The following WDR27 variants were observed in gnomAD, a reference collection of about 807,000 sequenced individuals.
WDR27 encodes WD repeat-containing protein 27.
WDR27 carries 100 observed loss-of-function variants against 114.4 expected under a neutral mutation model. The observed-to-expected ratio is 0.87, with a 90% CI of 0.74 to 1.03. The LOEUF (loss-of-function observed/expected upper bound fraction) is 1.03. WDR27 is among the 50% of genes least tolerant of loss of function. The pLI is 0.00. For missense variants in WDR27, 1,129 were observed against 1,092.9 expected (o/e 1.03, Z -0.47); for synonymous variants, 449 against 423.1 (o/e 1.06, Z -0.75).
At chr6:169,437,308 G>A in the WDR27 span, among the ~76,000 whole-genome samples, 3 of 152,104 alleles carry the variant, frequency 2.0e-5, no homozygotes, top group African/African-American at 7.2e-5. Context: ...ACTGATTAAG[G>A]ACCAAAGTCT....
At chr6:169,482,675 C>T (rs1307839207) in intron 25 of WDR27, among the ~76,000 whole-genome samples, 4 of 152,132 alleles carry the variant, frequency 2.6e-5, no homozygotes, top group African/African-American at 9.7e-5. Context: ...CAACACTAGA[C>T]CAAACGGACC....
chr6:169,462,474 A>G (rs905397130), intron 25 of WDR27, among the ~76,000 whole-genome samples: 12 of 149,998 alleles, frequency 8.0e-5, no homozygotes, highest in African/African-American at 3.0e-4. Flanking sequence ...GAGGGAGGAG[A>G]GGGGGGAGAG....
chr6:169,445,042 G>A, the WDR27 span, among the ~76,000 whole-genome samples: 287 of 152,266 alleles, frequency 1.9e-3, 2 homozygotes, highest in African/African-American at 6.6e-3. Context: ...GATGGGATTC[G>A]TGTGTCCAGT....
chr6:169,625,832 G>A (rs553755792), intron 21 of WDR27, among the ~76,000 whole-genome samples: 4 of 152,250 alleles, frequency 2.6e-5, no homozygotes, highest in South Asian at 2.1e-4. Context: ...ACCAGAGCCC[G>A]CCTCTTCTCA....
At chr6:169,546,035 G>A (rs1415624983) in intron 25 of WDR27, among the ~76,000 whole-genome samples, 2 of 151,940 alleles carry the variant, frequency 1.3e-5, no homozygotes, top group East Asian at 1.9e-4. Flanking sequence ...CAGCCTCGCC[G>A]GCCATTAAGG....
chr6:169,462,254 G>A (rs770898876), intron 25 of WDR27, among the ~76,000 whole-genome samples: 1 of 152,032 alleles, frequency 6.6e-6, no homozygotes, highest in African/African-American at 2.4e-5. Flanking sequence ...AGACCAACCT[G>A]GCCAACATGG....
In WDR27 at chr6:169,457,466, G is replaced by T; in HGVS notation, c.*126C>A. On this transcript the variant is annotated 3_prime_UTR_variant, in exon 26 of 26. Coordinates refer to ENST00000448612, the MANE Select transcript of WDR27 (RefSeq NM_182552.5). Reference sequence around the variant, plus strand: ...AGCTTGCAAACGGGGGAAATCTGAGGCAAGTCTCAAAATATGAAAAACAGT... The same window carrying T: ...AGCTTGCAAACGGGGGAAATCTGAGTCAAGTCTCAAAATATGAAAAACAGT... 1 of 758,784 alleles carries T rather than the reference G, an allele frequency of 1.3e-6. No homozygotes were observed. The highest frequency in any genetic ancestry group is 2.1e-6 in the Non-Finnish European group (1 of 484,252). 47.0% of individuals were successfully genotyped at this position (758,784 alleles called of 1,614,324 possible).
intron 13 of WDR27, among the ~76,000 whole-genome samples, chr6:169,653,682 C>G (rs903271074): frequency 1.3e-5 from 2 of 152,028 alleles, no homozygotes; most frequent in South Asian, 2.1e-4. Flanking sequence ...CACAGAGAAA[C>G]GCCACAAAAG....
At chr6:169,650,469 A>C in intron 14 of WDR27, among the ~76,000 whole-genome samples, 1 of 99,854 alleles carries the variant, frequency 1.0e-5, no homozygotes, top group South Asian at 3.7e-4. Flanking sequence ...TCATCTATCC[A>C]CCCACTCATC....
chr6:169,492,944 TA>T (rs1186674138), intron 25 of WDR27, among the ~76,000 whole-genome samples: 1 of 151,858 alleles, frequency 6.6e-6, no homozygotes, highest in South Asian at 2.1e-4. Flanking sequence ...ATATTAAAGG[TA>T]AAAATTAAGT....
rs1454675519 is a variant in WDR27 at position 169,672,332 on chromosome 6, G to T, written c.254C>A (p.Pro85Gln). ...CAGTGATGCTGAGCAGATTAGAAGT[G>T]GGTTCACTTTATTTCCAAAAGCCAT... ...TAMAFGNKVN[P>Q]LLICSASLDY... The change falls in exon 3 of 26, where the codon CCA (proline) becomes CAA (glutamine). Residue 85 changes from proline (P) to glutamine (Q), a missense_variant. Coordinates refer to ENST00000448612, the MANE Select transcript of WDR27 (RefSeq NM_182552.5). The T allele has an allele frequency of 6.2e-7, 1 of 1,613,230 alleles. No homozygotes were observed. Among genetic ancestry groups the T allele is most frequent in the South Asian group, 1.1e-5 (1 of 90,922 alleles).
rs1415177128 is a variant in WDR27 at position 169,638,575 on chromosome 6, C to T, written c.1833G>A (p.Met611Ile). The change falls in exon 18 of 26, where the codon ATG (methionine) becomes ATA (isoleucine). Residue 611 changes from methionine to isoleucine, a missense_variant. By Grantham distance (10) the Met-to-Ile change is conservative (BLOSUM62 1). Coordinates refer to ENST00000448612, the MANE Select transcript of WDR27 (RefSeq NM_182552.5). ...CGAGCTCTGCCCCACGAGCCGACCA[C>T]ATTCGCAGGGTCCCGTCCCGGGCCG... ...LSAARDGTLR[M>I]WSARGAELAL... 1 of 1,610,964 alleles carries T rather than the reference C, an allele frequency of 6.2e-7. No homozygotes were observed. The highest frequency in any genetic ancestry group is 2.2e-5 in the East Asian group (1 of 44,774).
At chr6:169,483,073 C>T (rs1301312119) in intron 25 of WDR27, among the ~76,000 whole-genome samples, 2 of 152,060 alleles carry the variant, frequency 1.3e-5, no homozygotes, top group Non-Finnish European at 2.9e-5. Context: ...ACACCCACAT[C>T]AAAAAGGTAG....
At chr6:169,508,151 C>G (rs1029249723) in intron 25 of WDR27, among the ~76,000 whole-genome samples, 8 of 152,144 alleles carry the variant, frequency 5.3e-5, no homozygotes, top group African/African-American at 1.9e-4. Flanking sequence ...ATCTATATGA[C>G]CAGACCAGGC....
chr6:169,491,389 T>C (rs1789737517), intron 25 of WDR27, among the ~76,000 whole-genome samples: 1 of 152,162 alleles, frequency 6.6e-6, no homozygotes, highest in Admixed American at 6.5e-5. Context: ...AATTCCAAAA[T>C]TTTAACCTCT....
chr6:169,633,775 C>A (rs955445950), intron 20 of WDR27, among the ~76,000 whole-genome samples: 5 of 152,156 alleles, frequency 3.3e-5, no homozygotes, highest in African/African-American at 1.2e-4. Flanking sequence ...TAGAATAATC[C>A]TAATGACATA....
chr6:169,626,141 G>C (rs1395262834), intron 21 of WDR27, among the ~76,000 whole-genome samples: 1 of 152,226 alleles, frequency 6.6e-6, no homozygotes, highest in Non-Finnish European at 1.5e-5. Flanking sequence ...TGAAGGCACA[G>C]GTCCACAGTG....
chr6:169,664,226 T>C lies in WDR27; in HGVS notation c.844A>G (p.Arg282Gly), dbSNP rs143459453. Reference protein sequence around the residue: ...HYRRVARVDLRKKTETFSTRR... With the variant: ...HYRRVARVDLGKKTETFSTRR... ...GTGGAGAAAGTCTCTGTCTTCTTCC[T>C]TAGGTCAACCCGTGCCACACGACGA... The change falls in exon 8 of 26, where the codon AGG (arginine) becomes GGG (glycine). Residue 282 changes from arginine to glycine, a missense_variant. Coordinates refer to ENST00000448612, the MANE Select transcript of WDR27 (RefSeq NM_182552.5). 247 of 1,613,462 alleles carry C rather than the reference T, an allele frequency of 1.5e-4. No individual in the cohort carries two copies. In the East Asian group the frequency reaches 5.1e-3, roughly 33 times the overall value.
At chr6:169,470,451 T>G (rs966937636) in intron 25 of WDR27, among the ~76,000 whole-genome samples, 1 of 152,222 alleles carries the variant, frequency 6.6e-6, no homozygotes, top group Non-Finnish European at 1.5e-5. Context: ...TCTGTCTTAG[T>G]TCAAGCTGCT....
Sources: allele counts gnomAD v4.1 joint callset (sites outside exome capture counted in the v4.1 genomes callset), GRCh38; gene constraint gnomAD v4.1.1; transcripts MANE v1.5; gene names NCBI Gene and HGNC (gene_info 2026-07-23, HGNC 2026-07-21).